The following FAM184B variants were observed in gnomAD, a reference collection of about 807,000 sequenced individuals.
FAM184B encodes the protein family with sequence similarity 184 member B.
In FAM184B, 111 loss-of-function variants were observed where a neutral mutation model predicts 135.9. That is an observed-to-expected ratio of 0.82 (90% CI 0.70 to 0.96). FAM184B has a LOEUF of 0.96. Among genes scored for constraint, FAM184B ranks in the 40% least tolerant of loss-of-function variants. The pLI is 0.00. For missense variants in FAM184B, 1,375 were observed against 1,323.9 expected (o/e 1.04, Z -0.60); for synonymous variants, 552 against 524.8 (o/e 1.05, Z -0.71).
rs550632771 is a variant in FAM184B, at chr4:17,764,047, A to G, written c.141+17112T>C. On this transcript the variant is annotated intron_variant, in intron 1 of 17. Transcript: ENST00000265018. ...TTTTTTACTCTGTCATCACCCACAA[A>G]TATTTCTGTCATCCTAATTATAACA... Among the ~76,000 whole-genome samples the G allele has an allele frequency of 4.6e-5, 7 of 152,252 alleles. No homozygotes were observed. In the East Asian group the frequency reaches 1.2e-3, roughly 25 times the overall value.
At chr4:17,673,964 T>A (rs1211236447) in intron 7 of FAM184B, among the ~76,000 whole-genome samples, 1 of 151,818 alleles carries the variant, frequency 6.6e-6, no homozygotes, top group East Asian at 1.9e-4. Flanking sequence ...AATGAAAGAT[T>A]TTCCCAGACA....
rs78741685 is a variant in FAM184B, at chr4:17,711,742, C to T, written c.142-2098G>A. Among the ~76,000 whole-genome samples the T allele has an allele frequency of 5.9e-3, 903 of 152,160 alleles. 9 individuals carry two copies. The highest frequency in any genetic ancestry group is 0.021 in the African/African-American group (870 of 41,500). On this transcript the variant is annotated intron_variant, in intron 1 of 17. Coordinates refer to ENST00000265018, the MANE Select transcript of FAM184B (RefSeq NM_015688.2). The stretch of plus-strand genomic sequence containing the variant: ...GCCAAAATCCCTGAGAAGGGTACCA[C>T]AGAGATTGGTTTCAAGAGCCGTGAG...
intron 1 of FAM184B, among the ~76,000 whole-genome samples, chr4:17,769,437 A>G (rs1476225818): frequency 2.0e-5 from 3 of 151,862 alleles, no homozygotes; most frequent in Non-Finnish European, 2.9e-5. Context: ...ATTGATTCTC[A>G]TTATTGTTTT....
chr4:17,638,581 T>C (rs1715217399), intron 14 of FAM184B, among the ~76,000 whole-genome samples: 2 of 152,194 alleles, frequency 1.3e-5, no homozygotes, highest in African/African-American at 4.8e-5. Flanking sequence ...TTCCCTGCTA[T>C]AACTCCAGAG....
intron 13 of FAM184B, among the ~76,000 whole-genome samples, chr4:17,641,134 A>G (rs1381796828): frequency 1.3e-5 from 2 of 152,012 alleles, no homozygotes; most frequent in Non-Finnish European, 1.5e-5. Flanking sequence ...GGGTTTCACT[A>G]TGTTGCCCAG....
chr4:17,781,336 T>A lies in FAM184B; in HGVS notation c.-37A>T, dbSNP rs1431260389. 2.0e-5 allele frequency: 30 copies of A among 1,488,168 alleles called. No homozygotes were observed. Among genetic ancestry groups the A allele is most frequent in the Non-Finnish European group, 2.7e-5 (30 of 1,111,522 alleles). 92.2% of individuals were successfully genotyped at this position (1,488,168 alleles called of 1,614,324 possible). ...GCCCAGCACTCAGACTCTCTCGTTT[T>A]CTCCCTGCCCACCGTGTGCACGTGC... is the stretch of plus-strand genomic sequence containing the variant. On this transcript the variant is annotated 5_prime_UTR_variant, in exon 1 of 18. Transcript: ENST00000265018. This position sits in a 1 kb window ranked among gnomAD's most constrained non-coding sequence, Gnocchi z 6.5.
chr4:17,638,727 G>A (rs527291791), intron 14 of FAM184B, among the ~76,000 whole-genome samples: 1 of 152,320 alleles, frequency 6.6e-6, no homozygotes, highest in African/African-American at 2.4e-5. Context: ...TTTCTTCGAA[G>A]TGTGAGGGTT....
intron 1 of FAM184B, among the ~76,000 whole-genome samples, chr4:17,714,903 G>C (rs1432168498): frequency 6.6e-6 from 1 of 152,110 alleles, no homozygotes; most frequent in African/African-American, 2.4e-5. Context: ...CCAACAAAAT[G>C]TGGTATCCCT....
intron 1 of FAM184B, among the ~76,000 whole-genome samples, chr4:17,711,190 C>CA (rs956292264): frequency 3.3e-4 from 48 of 144,762 alleles, no homozygotes; most frequent in East Asian, 6.0e-4. Flanking sequence ...CTGTCTCTAC[C>CA]AAAAAAAAAA....
chr4:17,736,203 G>A (rs543869819), intron 1 of FAM184B, among the ~76,000 whole-genome samples: 1 of 152,190 alleles, frequency 6.6e-6, no homozygotes, highest in East Asian at 1.9e-4. Context: ...ATATGCCTGA[G>A]GTTACGGGGC....
intron 1 of FAM184B, among the ~76,000 whole-genome samples, chr4:17,724,279 CTAATT>C (rs1717594810): frequency 6.6e-6 from 1 of 152,084 alleles, no homozygotes. Context: ...TATGCATTCT[CTAATT>C]TTTCTATGAT....
chr4:17,635,066 G>T lies in FAM184B; in HGVS notation c.2832C>A (p.His944Gln), dbSNP rs1715084012. 1 of 1,551,856 alleles carries T rather than the reference G, an allele frequency of 6.4e-7. No homozygotes were observed. The highest frequency in any genetic ancestry group is 8.7e-7 in the Non-Finnish European group (1 of 1,147,006). Residue 944 changes from histidine to glutamine, a missense_variant, in exon 16 of 18, where the codon CAC (histidine) becomes CAA (glutamine). His to Gln is a conservative substitution (Grantham distance 24, BLOSUM62 0). Coordinates refer to ENST00000265018, the MANE Select transcript of FAM184B (RefSeq NM_015688.2). ...GATTGAAAGAGAAAGACCGATTCCG[G>T]TGGGACATGGCACTGGGGAATGCTG... ...HYAAFPSAMS[H>Q]RNRSFSFNPH... is the part of the protein sequence containing the mutation.
chr4:17,647,584 C>T, intron 12 of FAM184B, 53 bp downstream of exon 12: 1 of 1,519,792 alleles, frequency 6.6e-7, no homozygotes, highest in Non-Finnish European at 8.9e-7. Flanking sequence ...CTTACTGCGG[C>T]CCTGATGCTG....
chr4:17,651,884 A>T (rs572647023), intron 11 of FAM184B, among the ~76,000 whole-genome samples: 1 of 152,200 alleles, frequency 6.6e-6, no homozygotes, highest in African/African-American at 2.4e-5. Context: ...GTGGCAACTG[A>T]AAAGGGGGAG....
intron 1 of FAM184B, among the ~76,000 whole-genome samples, chr4:17,727,559 G>A (rs925319445): frequency 6.6e-6 from 1 of 152,218 alleles, no homozygotes; most frequent in Non-Finnish European, 1.5e-5. Context: ...GGCGGAAGGT[G>A]AAGGGAAAGC....
chr4:17,765,908 G>A (rs983122994), intron 1 of FAM184B, among the ~76,000 whole-genome samples: 1 of 152,108 alleles, frequency 6.6e-6, no homozygotes. Flanking sequence ...CCTTCGCGGT[G>A]GTGAGTGTTA....
intron 7 of FAM184B, among the ~76,000 whole-genome samples, chr4:17,688,120 G>T (rs925776814): frequency 2.0e-5 from 3 of 152,148 alleles, no homozygotes; most frequent in Non-Finnish European, 4.4e-5. Context: ...AGAATCAAAG[G>T]CCCTGCTCGA....
chr4:17,654,237 T>A (rs1715727840), intron 10 of FAM184B, among the ~76,000 whole-genome samples: 1 of 151,506 alleles, frequency 6.6e-6, no homozygotes, highest in Non-Finnish European at 1.5e-5. Flanking sequence ...TTAATATATA[T>A]CCCCAGGTTT....
At chr4:17,729,248 G>A (rs1717714530) in intron 1 of FAM184B, among the ~76,000 whole-genome samples, 1 of 152,238 alleles carries the variant, frequency 6.6e-6, no homozygotes, top group South Asian at 2.1e-4. Context: ...AAAGCAGCTG[G>A]GAAGCTCAAA....
Sources: gnomAD v4.1 joint callset for allele counts (sites outside exome capture counted in the v4.1 genomes callset) on GRCh38, gnomAD v4.1.1 for gene constraint, Gnocchi (gnomAD v3.1) non-coding constraint, MANE v1.5 for transcripts, NCBI Gene and HGNC (gene_info 2026-07-23, HGNC 2026-07-21) for gene names.